Variants in SLC24A3 observed in about 807,000 individuals in gnomAD.
The protein encoded by SLC24A3 is sodium/potassium/calcium exchanger 3.
Under a neutral mutation model 75.8 loss-of-function variants are expected in SLC24A3, and 28 were observed. That is an observed-to-expected ratio of 0.37 (90% CI 0.27 to 0.51). The LOEUF is 0.51. Ranked by LOEUF, SLC24A3 falls within the 20% of genes least tolerant of loss-of-function variation. The pLI is 0.94. For synonymous variants in SLC24A3, 372 were observed against 334.1 expected (o/e 1.11, Z -1.24); for missense variants, 663 against 847.8 (o/e 0.78, Z 2.71).
intron 1 of SLC24A3, among the ~76,000 whole-genome samples, chr20:19,217,441 A>G (rs1455576945): frequency 6.6e-6 from 1 of 152,218 alleles, no homozygotes; most frequent in African/African-American, 2.4e-5. Flanking sequence ...ATAGACAAAC[A>G]TACACACAGA....
At chr20:19,457,710 C>A (rs1987603130) in intron 2 of SLC24A3, among the ~76,000 whole-genome samples, 2 of 152,186 alleles carry the variant, frequency 1.3e-5, no homozygotes, top group Admixed American at 6.5e-5. Context: ...AAGGCCCCAA[C>A]CTCAAATTCC....
At chr20:19,214,206 T>C (rs1350226867) in intron 1 of SLC24A3, among the ~76,000 whole-genome samples, 1 of 152,134 alleles carries the variant, frequency 6.6e-6, no homozygotes, top group Non-Finnish European at 1.5e-5. Context: ...TTTATGGTAA[T>C]AGCAGAGAGT....
At chr20:19,630,063 T>C (rs555275510) in intron 6 of SLC24A3, among the ~76,000 whole-genome samples, 1 of 152,230 alleles carries the variant, frequency 6.6e-6, no homozygotes, top group Non-Finnish European at 1.5e-5. Context: ...TTAAAAGACA[T>C]AGGTATAAGC....
At chr20:19,423,986 A>G (rs1442695190) in intron 2 of SLC24A3, among the ~76,000 whole-genome samples, 2 of 152,154 alleles carry the variant, frequency 1.3e-5, no homozygotes, top group East Asian at 3.9e-4. Flanking sequence ...AAGGAAGTGA[A>G]GTTATGAAGC....
chr20:19,674,043 A>G (rs1046634147), intron 9 of SLC24A3, among the ~76,000 whole-genome samples: 3 of 152,194 alleles, frequency 2.0e-5, no homozygotes, highest in Non-Finnish European at 4.4e-5. Context: ...TATGGCAGCC[A>G]ACATGAGCCA....
intron 1 of SLC24A3, among the ~76,000 whole-genome samples, chr20:19,247,526 A>T (rs566632583): frequency 2.0e-5 from 3 of 152,276 alleles, no homozygotes; most frequent in Admixed American, 6.5e-5. Context: ...AGCCACTGAA[A>T]TGCTCATTTC....
At chr20:19,327,484 C>T (rs1984891551) in intron 2 of SLC24A3, among the ~76,000 whole-genome samples, 1 of 152,210 alleles carries the variant, frequency 6.6e-6, no homozygotes, top group African/African-American at 2.4e-5. Context: ...CCCAGAGCCC[C>T]CTCTGGAATC....
intron 6 of SLC24A3, among the ~76,000 whole-genome samples, chr20:19,590,400 T>C (rs1050610215): frequency 1.3e-5 from 2 of 151,820 alleles, no homozygotes; most frequent in African/African-American, 4.8e-5. Flanking sequence ...CCTGTTCCAA[T>C]CCTGAGATGC....
intron 2 of SLC24A3, among the ~76,000 whole-genome samples, chr20:19,337,140 T>C (rs1006025438): frequency 6.6e-6 from 1 of 152,178 alleles, no homozygotes; most frequent in Non-Finnish European, 1.5e-5. Flanking sequence ...TAGTACCTCA[T>C]ACATATTAAC....
At chr20:19,252,038 G>A (rs1486364885) in intron 1 of SLC24A3, among the ~76,000 whole-genome samples, 1 of 152,164 alleles carries the variant, frequency 6.6e-6, no homozygotes, top group Non-Finnish European at 1.5e-5. Context: ...TTGTGGCCAG[G>A]CTACATTCTC....
chr20:19,507,310 A>G (rs1267180446), intron 2 of SLC24A3, among the ~76,000 whole-genome samples: 3 of 152,234 alleles, frequency 2.0e-5, no homozygotes, highest in Non-Finnish European at 2.9e-5. Flanking sequence ...CTGCAAGGCA[A>G]ACAACGTGCA....
At chr20:19,394,542 C>T (rs977243751) in intron 2 of SLC24A3, among the ~76,000 whole-genome samples, 41 of 152,164 alleles carry the variant, frequency 2.7e-4, no homozygotes, top group African/African-American at 9.2e-4. Context: ...CCAAAAAACT[C>T]AATAAAGGAC....
chr20:19,584,274 A>G (rs150071228), intron 4 of SLC24A3, among the ~76,000 whole-genome samples: 1,669 of 152,208 alleles, frequency 0.011, 36 homozygotes, highest in African/African-American at 0.038. Context: ...CCTTCTTTTC[A>G]GCCTTAAGCC....
chr20:19,436,294 G>A (rs1422647884), intron 2 of SLC24A3, among the ~76,000 whole-genome samples: 1 of 152,148 alleles, frequency 6.6e-6, no homozygotes, highest in African/African-American at 2.4e-5. Context: ...CTTTAAAAAA[G>A]CCATGTAAAA....
chr20:19,213,075 G>A (rs1981451886), intron 1 of SLC24A3, 91 bp downstream of exon 1: 7 of 1,127,180 alleles, frequency 6.2e-6, no homozygotes, highest in East Asian at 8.0e-5. Context: ...CGGGCGGCCC[G>A]GCCGGAGCCC....
intron 2 of SLC24A3, among the ~76,000 whole-genome samples, chr20:19,366,244 G>A (rs1181290161): frequency 1.3e-5 from 2 of 152,166 alleles, no homozygotes; most frequent in Admixed American, 6.5e-5. Flanking sequence ...AGGCAAAACA[G>A]GCATTATGGC....
At chr20:19,263,783 A>G (rs1983071165) in intron 1 of SLC24A3, among the ~76,000 whole-genome samples, 1 of 152,222 alleles carries the variant, frequency 6.6e-6, no homozygotes, top group Non-Finnish European at 1.5e-5. Context: ...TGGGCCAAAG[A>G]ATAGGAAAAA....
chr20:19,474,751 T>C (rs1005111297), intron 2 of SLC24A3, among the ~76,000 whole-genome samples: 2 of 152,218 alleles, frequency 1.3e-5, no homozygotes, highest in Admixed American at 1.3e-4. Context: ...ACATTTAAGA[T>C]CTACTCTCTT....
chr20:19,281,077 C>T lies in SLC24A3; in HGVS notation c.261C>T (p.Cys87=), dbSNP rs1983649641. The change falls in exon 2 of 17, where the codon TGC becomes TGT. Residue 87 remains cysteine, a synonymous_variant. Coordinates refer to ENST00000328041, the MANE Select transcript of SLC24A3 (RefSeq NM_020689.4). ...CCGGACTCCGGAACAGCAAGAACTG[C>T]ACCGAACCAGGTAACAGTGCTGACT... ...EDAGLRNSKN[C]TEPALHEFPN... 1 of 1,614,054 alleles carries T rather than the reference C, an allele frequency of 6.2e-7. No homozygotes were observed. The highest frequency in any genetic ancestry group is 1.3e-5 in the African/African-American group (1 of 74,920).
Sources: allele counts gnomAD v4.1 joint callset (sites outside exome capture counted in the v4.1 genomes callset), GRCh38; gene constraint gnomAD v4.1.1; transcripts MANE v1.5; gene names NCBI Gene and HGNC (gene_info 2026-07-23, HGNC 2026-07-21).